The following MACROD2 variants were observed in gnomAD, a reference collection of about 807,000 sequenced individuals.
MACROD2 encodes the protein mono-ADP ribosylhydrolase 2, also known as ADP-ribose glycohydrolase MACROD2.
A neutral mutation model predicts 70.4 loss-of-function variants in MACROD2; 36 were observed. That is an observed-to-expected ratio of 0.51 (90% CI 0.39 to 0.68). The LOEUF (loss-of-function observed/expected upper bound fraction) is 0.68. Ranked by LOEUF, MACROD2 falls within the 30% of genes least tolerant of loss-of-function variation. The pLI, the probability that MACROD2 is intolerant of heterozygous loss-of-function variation, is 0.00. For missense variants in MACROD2, 496 were observed against 538.4 expected, an observed-to-expected ratio of 0.92 and a Z score of 0.78; for synonymous variants, 172 against 178.8, an observed-to-expected ratio of 0.96 and a Z score of 0.30.
chr20:14,326,975 C>T lies in MACROD2; in HGVS notation c.272-166504C>T, dbSNP rs1453702537. Reference sequence around the variant, plus strand: ...CGATTATCATCCAAGCGTAGTTCTTCTATAGTCCTGGGCAAACCCCAGGGA... The same window carrying T: ...CGATTATCATCCAAGCGTAGTTCTTTTATAGTCCTGGGCAAACCCCAGGGA... On this transcript the variant is annotated intron_variant, in intron 3 of 17. Coordinates refer to ENST00000684519, the MANE Select transcript of MACROD2 (RefSeq NM_001351661.2). This position sits in a 1 kb window ranked among gnomAD's most constrained non-coding sequence, Gnocchi z 5.5. 6.2e-7 allele frequency: 1 copy of T among 1,613,738 alleles called. No homozygotes were observed. Among genetic ancestry groups the T allele is most frequent in the Non-Finnish European group, 8.5e-7 (1 of 1,179,782 alleles).
chr20:15,146,646 T>C (rs1370343543), intron 5 of MACROD2, among the ~76,000 whole-genome samples: 1 of 152,186 alleles, frequency 6.6e-6, no homozygotes, highest in Non-Finnish European at 1.5e-5. Context: ...TTTTGTTTTT[T>C]ACATTTTCCA....
At chr20:16,047,674 C>A (rs1397685811) in intron 17 of MACROD2, among the ~76,000 whole-genome samples, 1 of 29,024 alleles carries the variant, frequency 3.4e-5, no homozygotes, top group African/African-American at 9.0e-5. Flanking sequence ...CTGGCCCCAG[C>A]AGGTACCACC....
In MACROD2 at chr20:15,704,801, C is replaced by T. The variant is rs2050509218; in HGVS notation, c.646-157944C>T. Among the ~76,000 whole-genome samples the T allele has an allele frequency of 2.0e-5, 3 of 152,204 alleles. 1 individual carries two copies. Among genetic ancestry groups the T allele is most frequent in the East Asian group, 3.8e-4 (2 of 5,202 alleles). On this transcript the variant is annotated intron_variant, in intron 8 of 17. Coordinates refer to ENST00000684519, the MANE Select transcript of MACROD2 (RefSeq NM_001351661.2). ...TCATGGCTGTGTTCAATCAGTAGTACTGGCAAGGCATAAATATTTGAAGTC... is the reference window on the plus strand; with the variant it reads ...TCATGGCTGTGTTCAATCAGTAGTATTGGCAAGGCATAAATATTTGAAGTC...
At chr20:15,204,066 C>T (rs2076680363) in intron 5 of MACROD2, among the ~76,000 whole-genome samples, 1 of 152,008 alleles carries the variant, frequency 6.6e-6, no homozygotes, top group Admixed American at 6.6e-5. Flanking sequence ...TTATAACTCC[C>T]TTCCCCAATA....
intron 5 of MACROD2, among the ~76,000 whole-genome samples, chr20:14,759,354 A>G (rs1057399416): frequency 6.6e-6 from 1 of 152,138 alleles, no homozygotes; most frequent in Non-Finnish European, 1.5e-5. Flanking sequence ...TACAAAAATT[A>G]ATTAATAATC....
intron 6 of MACROD2, among the ~76,000 whole-genome samples, chr20:15,295,615 ACACACACACACACATG>A (rs1555801932): frequency 2.0e-5 from 3 of 148,480 alleles, no homozygotes; most frequent in Admixed American, 1.4e-4. Context: ...ACACACACAC[ACACACACACACACATG>A]CACACACCCC....
At position 14,103,777 on chromosome 20, in the gene MACROD2, CA is replaced by C. The variant is rs992290551; in HGVS notation, c.271+18050del. ...TTTTATATGTAATTTTAAATAGCTACATGATATTCAATCATATACATGAATT... is the reference window on the plus strand; with the variant it reads ...TTTTATATGTAATTTTAAATAGCTACTGATATTCAATCATATACATGAATT... On this transcript the variant is annotated intron_variant, in intron 3 of 17. Coordinates refer to ENST00000684519, the MANE Select transcript of MACROD2 (RefSeq NM_001351661.2). 3.1e-4 allele frequency among the ~76,000 whole-genome samples: 47 copies of C among 152,116 alleles called. 1 individual carries two copies. Among genetic ancestry groups the C allele is most frequent in the Non-Finnish European group, 2.5e-4 (17 of 68,012 alleles).
chr20:14,306,100 G>A (rs1251975839), intron 3 of MACROD2, among the ~76,000 whole-genome samples: 1 of 151,896 alleles, frequency 6.6e-6, no homozygotes, highest in Non-Finnish European at 1.5e-5. Flanking sequence ...TGATGCTTCA[G>A]CAAAAGTGCT....
At chr20:15,783,760 T>C (rs1196397918) in intron 8 of MACROD2, among the ~76,000 whole-genome samples, 1 of 152,174 alleles carries the variant, frequency 6.6e-6, no homozygotes. Flanking sequence ...GTGTCTCCAG[T>C]TGCCTCTCTT....
intron 4 of MACROD2, among the ~76,000 whole-genome samples, chr20:14,657,788 G>A (rs183414647): frequency 5.3e-5 from 8 of 152,018 alleles, no homozygotes; most frequent in Admixed American, 3.9e-4. Context: ...GGAATTACCC[G>A]TCTTTATCAG....
At chr20:15,164,044 T>C (rs1343815971) in intron 5 of MACROD2, among the ~76,000 whole-genome samples, 1 of 151,992 alleles carries the variant, frequency 6.6e-6, no homozygotes, top group Non-Finnish European at 1.5e-5. Context: ...TGGCAATCAA[T>C]GTTAAGAAAA....
intron 8 of MACROD2, among the ~76,000 whole-genome samples, chr20:15,626,722 G>A (rs7509566): frequency 0.024 from 3,706 of 152,162 alleles, 121 homozygotes; most frequent in East Asian, 0.12. Context: ...AGGCATGGTG[G>A]TGCATGCCTG....
intron 8 of MACROD2, among the ~76,000 whole-genome samples, chr20:15,778,767 A>T (rs1274180250): frequency 2.0e-5 from 3 of 152,196 alleles, no homozygotes; most frequent in African/African-American, 4.8e-5. Flanking sequence ...AGGATTTATT[A>T]TCTATAAACA....
intron 8 of MACROD2, among the ~76,000 whole-genome samples, chr20:15,771,314 A>G (rs1342100996): frequency 1.3e-5 from 2 of 151,264 alleles, no homozygotes; most frequent in Admixed American, 6.6e-5. Context: ...AGCTGGGACT[A>G]TAGGCACACA....
intron 4 of MACROD2, among the ~76,000 whole-genome samples, chr20:14,541,817 G>C (rs1403590353): frequency 6.6e-5 from 10 of 152,110 alleles, no homozygotes; most frequent in African/African-American, 2.4e-4. Flanking sequence ...AACTGCTCAA[G>C]TCTTAAATGT....
chr20:14,347,452 A>G (rs1430604375), intron 3 of MACROD2, among the ~76,000 whole-genome samples: 2 of 152,210 alleles, frequency 1.3e-5, no homozygotes, highest in African/African-American at 4.8e-5. Context: ...TAATGATAAT[A>G]GCATGAAAAG....
intron 8 of MACROD2, among the ~76,000 whole-genome samples, chr20:15,837,331 A>G (rs1360807779): frequency 2.0e-5 from 3 of 152,190 alleles, no homozygotes; most frequent in Admixed American, 6.5e-5. Context: ...GGAGTGAGAC[A>G]CAGAAAATCT....
chr20:14,966,459 C>T (rs2074637873), intron 5 of MACROD2, among the ~76,000 whole-genome samples: 2 of 152,072 alleles, frequency 1.3e-5, no homozygotes, highest in African/African-American at 4.8e-5. Context: ...GCCTGTAGAC[C>T]CAGCTACTCA....
intron 5 of MACROD2, among the ~76,000 whole-genome samples, chr20:15,012,342 G>A (rs2075089004): frequency 6.6e-6 from 1 of 152,098 alleles, no homozygotes; most frequent in African/African-American, 2.4e-5. Context: ...CATCATGGCT[G>A]TTTGTTTTAA....
Sources: allele counts gnomAD v4.1 joint callset (sites outside exome capture counted in the v4.1 genomes callset), GRCh38; gene constraint gnomAD v4.1.1; non-coding constraint Gnocchi (gnomAD v3.1); transcripts MANE v1.5; gene names NCBI Gene and HGNC (gene_info 2026-07-23, HGNC 2026-07-21).